RHCE: variants seen among roughly 807,000 people sequenced by gnomAD.
RHCE encodes the protein Rh blood group CcEe antigens, also known as blood group Rh(CE) polypeptide.
RHCE carries 22 observed loss-of-function variants against 43.8 expected under a neutral mutation model. The ratio of observed to expected loss-of-function variants is 0.50; its 90% confidence interval spans 0.36 to 0.72. The LOEUF is 0.72. Among genes scored for constraint, RHCE ranks in the 30% least tolerant of loss-of-function variants. The pLI is 0.00. For missense variants in RHCE, 385 were observed against 525.4 expected (o/e 0.73, Z 2.61); for synonymous variants, 156 against 210.7 (o/e 0.74, Z 2.25).
At position 25,408,030 on chromosome 1, in the gene RHCE, G is replaced by A. The variant is rs1168542178; in HGVS notation, c.335+653C>T. On this transcript the variant is annotated intron_variant, in intron 2 of 9. Transcript: ENST00000294413. Reference sequence around the variant, plus strand: ...AGGCTGGACGCGGTGGCTCATGCCTGTAATCCCAGCACTTTGGGAGGCCGA... The same window carrying A: ...AGGCTGGACGCGGTGGCTCATGCCTATAATCCCAGCACTTTGGGAGGCCGA... Among the ~76,000 whole-genome samples the A allele has an allele frequency of 1.6e-5, 2 of 123,832 alleles. 1 individual carries two copies. Among genetic ancestry groups the A allele is most frequent in the Non-Finnish European group, 3.7e-5 (2 of 54,190 alleles). 81.2% of individuals were successfully genotyped at this position (123,832 alleles called of 152,430 possible).
intron 3 of RHCE, among the ~76,000 whole-genome samples, chr1:25,402,355 A>G (rs1417978061): frequency 6.6e-6 from 1 of 151,968 alleles, no homozygotes; most frequent in East Asian, 1.9e-4. Flanking sequence ...TGAGTAACTG[A>G]CACTACAGGT....
intron 8 of RHCE, among the ~76,000 whole-genome samples, chr1:25,371,612 A>G (rs918993277): frequency 6.6e-6 from 1 of 151,360 alleles, no homozygotes; most frequent in Admixed American, 6.6e-5. Context: ...AGCTCAAGTG[A>G]TCTGCCCGCC....
intron 2 of RHCE, among the ~76,000 whole-genome samples, chr1:25,406,250 C>CGTGCGTGCGTGT (rs1175684104): frequency 8.5e-6 from 1 of 117,030 alleles, no homozygotes; most frequent in Non-Finnish European, 1.9e-5. Context: ...TGCGTGCGTG[C>CGTGCGTGCGTGT]GTGTGTGTGT....
intron 7 of RHCE, among the ~76,000 whole-genome samples, chr1:25,379,419 G>T (rs111915012): frequency 1.6e-5 from 2 of 125,000 alleles, no homozygotes; most frequent in South Asian, 2.8e-4. Context: ...CATGTCCTTC[G>T]TACATGCAAA....
At chr1:25,413,317 C>A (rs1269521123) in intron 1 of RHCE, among the ~76,000 whole-genome samples, 1 of 152,188 alleles carries the variant, frequency 6.6e-6, no homozygotes, top group Non-Finnish European at 1.5e-5. Context: ...CTCTCTTGGG[C>A]TCCAGGCCCA....
In RHCE at chr1:25,406,250, CGTGTGT is replaced by C. The variant is rs35366666; in HGVS notation, c.335+2427_335+2432del. On this transcript the variant is annotated intron_variant, in intron 2 of 9. Coordinates refer to ENST00000294413, the MANE Select transcript of RHCE (RefSeq NM_020485.8). ...GTATGCGGGCGTGCGTGCGTGCGTG[CGTGTGT>C]GTGTGTGTGTGTGTGTGTGTATTGA... Among the ~76,000 whole-genome samples, 700 of 117,110 alleles carry C rather than the reference CGTGTGT, an allele frequency of 6.0e-3. 87 individuals carry two copies. Among genetic ancestry groups the C allele is most frequent in the African/African-American group, 0.015 (546 of 37,284 alleles). 76.8% of individuals were successfully genotyped at this position (117,110 alleles called of 152,430 possible).
intron 2 of RHCE, among the ~76,000 whole-genome samples, chr1:25,405,550 A>G (rs903306237): frequency 4.0e-5 from 6 of 149,506 alleles, no homozygotes; most frequent in South Asian, 2.2e-4. Context: ...TTAACTCAGG[A>G]GGCTGAGGTG....
At chr1:25,393,224 C>T (rs752833119) in intron 3 of RHCE, among the ~76,000 whole-genome samples, 1 of 152,256 alleles carries the variant, frequency 6.6e-6, no homozygotes, top group Non-Finnish European at 1.5e-5. Context: ...CCACCATCAC[C>T]GCTACCCCAA....
intron 9 of RHCE, among the ~76,000 whole-genome samples, chr1:25,368,294 CT>C (rs1445510624): frequency 7.8e-6 from 1 of 128,712 alleles, no homozygotes; most frequent in Non-Finnish European, 1.6e-5. Flanking sequence ...TACCCACCCC[CT>C]TCCTCAAGGA....
chr1:25,417,118 T>C (rs1647588914), intron 1 of RHCE, among the ~76,000 whole-genome samples: 1 of 146,248 alleles, frequency 6.8e-6, no homozygotes, highest in African/African-American at 2.6e-5. Context: ...AATGTGCCTC[T>C]CTAACAGATA....
intron 8 of RHCE, among the ~76,000 whole-genome samples, chr1:25,373,485 C>G (rs951404120): frequency 2.0e-5 from 3 of 151,840 alleles, no homozygotes; most frequent in African/African-American, 7.3e-5. Context: ...CTTCTTCACA[C>G]AGACTCTGCC....
chr1:25,411,235 C>T (rs1406713400), intron 1 of RHCE: 1 of 1,408,620 alleles, frequency 7.1e-7, no homozygotes, highest in East Asian at 2.6e-5. Context: ...TCTGGGACAT[C>T]CGAAGGAAAT....
chr1:25,390,706 C>G, intron 5 of RHCE, 43 bp downstream of exon 5: 1 of 1,612,814 alleles, frequency 6.2e-7, no homozygotes, highest in Non-Finnish European at 8.5e-7. Flanking sequence ...GTGTGCTAGT[C>G]CTGTTAGACC....
At chr1:25,405,307 A>G (rs1457154414) in intron 2 of RHCE, among the ~76,000 whole-genome samples, 1 of 152,186 alleles carries the variant, frequency 6.6e-6, no homozygotes, top group Non-Finnish European at 1.5e-5. Flanking sequence ...TGAGTGAGCC[A>G]TGAACATGCC....
At chr1:25,411,454 A>C (rs1456350245) in intron 1 of RHCE, 1 of 1,549,660 alleles carries the variant, frequency 6.5e-7, no homozygotes, top group Non-Finnish European at 8.7e-7. Flanking sequence ...ATTCACTTCC[A>C]TTGAAACGTA....
upstream of RHCE, among the ~76,000 whole-genome samples, chr1:25,422,997 A>G (rs1016121474): frequency 2.0e-5 from 3 of 152,146 alleles, no homozygotes; most frequent in Non-Finnish European, 4.4e-5. Context: ...CTGTGCGGTC[A>G]GGTTCCTAAC....
intron 1 of RHCE, among the ~76,000 whole-genome samples, chr1:25,414,552 G>C (rs1571918994): frequency 6.6e-6 from 1 of 152,254 alleles, no homozygotes; most frequent in South Asian, 2.1e-4. Flanking sequence ...CTGCAGTGTG[G>C]AAGGTGCCAG....
At chr1:25,381,584 G>A (rs1646004750) in intron 7 of RHCE, among the ~76,000 whole-genome samples, 1 of 151,830 alleles carries the variant, frequency 6.6e-6, no homozygotes, top group Non-Finnish European at 1.5e-5. Flanking sequence ...AGCCTCCTGA[G>A]TAGCTGGGAT....
chr1:25,422,965 G>T (rs2042778425), upstream of RHCE, among the ~76,000 whole-genome samples: 1 of 152,166 alleles, frequency 6.6e-6, no homozygotes, highest in African/African-American at 2.4e-5. Context: ...AGGCGGTAGT[G>T]CTCGCTGGCC....
Sources: allele counts gnomAD v4.1 joint callset (sites outside exome capture counted in the v4.1 genomes callset), GRCh38; gene constraint gnomAD v4.1.1; transcripts MANE v1.5; gene names NCBI Gene and HGNC (gene_info 2026-07-23, HGNC 2026-07-21).